Variants in PCDHA8 observed in about 807,000 individuals in gnomAD.
The protein encoded by PCDHA8 is protocadherin alpha 8.
In PCDHA8, 53 loss-of-function variants were observed where a neutral mutation model predicts 61.8. The ratio of observed to expected loss-of-function variants is 0.86; its 90% CI spans 0.69 to 1.08. The LOEUF (loss-of-function observed/expected upper bound fraction) is 1.08, where lower values mean the gene tolerates loss of function less well. PCDHA8 is among the 50% of genes least tolerant of loss of function. PCDHA8 has a pLI of 0.00. For synonymous variants in PCDHA8, 618 were observed against 556.6 expected (o/e 1.11, Z -1.55); for missense variants, 1,293 against 1,245.0 (o/e 1.04, Z -0.58).
chr5:140,882,501 A>G lies in PCDHA8; in HGVS notation c.2394+38786A>G, dbSNP rs782169319. On this transcript the variant is annotated intron_variant, in intron 1 of 3. Transcript: ENST00000531613. Reference sequence around the variant, plus strand: ...AGACACGGGGACCTTCTGGAGGTAAATCTGCAGAATGGCATTTTGTTTGTG... The same window carrying G: ...AGACACGGGGACCTTCTGGAGGTAAGTCTGCAGAATGGCATTTTGTTTGTG... 1 of 1,614,098 alleles carries G rather than the reference A, an allele frequency of 6.2e-7. No individual in the cohort carries two copies. Among genetic ancestry groups the G allele is most frequent in the Non-Finnish European group, 8.5e-7 (1 of 1,180,032 alleles).
chr5:140,886,827 G>GAAAAAAAAA, intron 1 of PCDHA8, among the ~76,000 whole-genome samples: 1 of 60,890 alleles, frequency 1.6e-5, no homozygotes, highest in Non-Finnish European at 3.3e-5. Flanking sequence ...ACTTCGTCTT[G>GAAAAAAAAA]AAAAAAAAAA....
At chr5:140,992,017 C>CTGTGTGTGTGTGTG (rs10602499) in intron 3 of PCDHA8, among the ~76,000 whole-genome samples, 1 of 145,628 alleles carries the variant, frequency 6.9e-6, no homozygotes, top group African/African-American at 2.5e-5. Flanking sequence ...AGAGGTGGCT[C>CTGTGTGTGTGTGTG]TGTGTGTGTG....
chr5:140,914,619 T>G (rs1554196515), intron 1 of PCDHA8, among the ~76,000 whole-genome samples: 1 of 152,194 alleles, frequency 6.6e-6, no homozygotes, highest in African/African-American at 2.4e-5. Context: ...TTTTGTAATT[T>G]GTTTTCTCGT....
chr5:140,856,572 A>C (rs782165615), intron 1 of PCDHA8: 1 of 1,597,762 alleles, frequency 6.3e-7, no homozygotes, highest in East Asian at 2.2e-5. Flanking sequence ...AGTCCAAATG[A>C]GTATTTTGTT....
intron 1 of PCDHA8, chr5:140,870,911 A>C (rs782609021): frequency 6.2e-7 from 1 of 1,613,910 alleles, no homozygotes; most frequent in Non-Finnish European, 8.5e-7. Context: ...TCAGGCTACA[A>C]CGCGTGGCTT....
chr5:140,869,614 A>T lies in PCDHA8; in HGVS notation c.2394+25899A>T, dbSNP rs1554163296. ...TGAAGAGAATGCTCTATTGACCTACAGGCTAAGTAAAAATGAGTATTTTTC... is the reference window on the plus strand; with the variant it reads ...TGAAGAGAATGCTCTATTGACCTACTGGCTAAGTAAAAATGAGTATTTTTC... On this transcript the variant is annotated intron_variant, in intron 1 of 3. Transcript: ENST00000531613. 2 of 1,613,940 alleles carry T rather than the reference A, an allele frequency of 1.2e-6. No homozygotes were observed. The highest frequency in any genetic ancestry group is 4.5e-5 in the East Asian group (2 of 44,886).
At chr5:140,934,129 T>G (rs150501213) in intron 1 of PCDHA8, among the ~76,000 whole-genome samples, 326 of 152,294 alleles carry the variant, frequency 2.1e-3, no homozygotes, top group African/African-American at 7.4e-3. Context: ...CTTTATTAAT[T>G]TATTTCCTTC....
chr5:140,934,684 A>C (rs1026507859), intron 1 of PCDHA8, among the ~76,000 whole-genome samples: 9 of 152,178 alleles, frequency 5.9e-5, no homozygotes, highest in Non-Finnish European at 1.3e-4. Flanking sequence ...TATTCAAAAC[A>C]ATGAATTGAT....
At chr5:140,895,103 T>C (rs1459301220) in intron 1 of PCDHA8, among the ~76,000 whole-genome samples, 3 of 152,204 alleles carry the variant, frequency 2.0e-5, no homozygotes, top group Non-Finnish European at 4.4e-5. Flanking sequence ...GGGTTTTTGC[T>C]ACAAGAAGAC....
chr5:140,966,188 T>G (rs1454663585), intron 1 of PCDHA8: 7 of 200,348 alleles, frequency 3.5e-5, no homozygotes, highest in Non-Finnish European at 6.9e-5. Context: ...ATAGCCAGAC[T>G]TCTAGGGGCT....
At chr5:140,849,264 A>T (rs2150433927) in intron 1 of PCDHA8, 1 of 1,131,868 alleles carries the variant, frequency 8.8e-7, no homozygotes, top group East Asian at 2.6e-5. Context: ...AAACGTTTCT[A>T]TCGGAACGCT....
chr5:140,875,290 A>T (rs1321351883), intron 1 of PCDHA8: 20 of 1,396,906 alleles, frequency 1.4e-5, no homozygotes, highest in East Asian at 7.6e-5. Context: ...AAACAGGAAA[A>T]TTTTTTTCTC....
chr5:140,850,309 C>A, intron 1 of PCDHA8: 1 of 1,597,088 alleles, frequency 6.3e-7, no homozygotes, highest in Non-Finnish European at 8.6e-7. Context: ...GGCTACAACG[C>A]GTGGCTTTCA....
intron 1 of PCDHA8, among the ~76,000 whole-genome samples, chr5:140,855,264 T>C (rs560224323): frequency 1.3e-5 from 2 of 149,870 alleles, no homozygotes; most frequent in South Asian, 4.2e-4. Context: ...TATATTATAA[T>C]TCACTCAACC....
chr5:140,884,802 A>G, intron 1 of PCDHA8: 1 of 1,232,140 alleles, frequency 8.1e-7, no homozygotes, highest in Non-Finnish European at 1.1e-6. Flanking sequence ...GAATTTAACA[A>G]CTCTGCTGTG....
intron 3 of PCDHA8, among the ~76,000 whole-genome samples, chr5:140,991,953 G>A (rs545142966): frequency 3.9e-5 from 6 of 152,110 alleles, no homozygotes; most frequent in Non-Finnish European, 8.8e-5. Context: ...TTAGAATGCA[G>A]TCATTTTGGT....
chr5:140,923,489 A>C (rs549066009), intron 1 of PCDHA8, among the ~76,000 whole-genome samples: 2 of 152,182 alleles, frequency 1.3e-5, no homozygotes, highest in Non-Finnish European at 2.9e-5. Flanking sequence ...TCTTCACACC[A>C]CTGCACTCCA....
chr5:140,842,411 C>A lies in PCDHA8; in HGVS notation c.1090C>A (p.Gln364Lys), dbSNP rs2150335386. Residue 364 changes from glutamine (Q) to lysine (K), a missense_variant, in exon 1 of 4, where the codon CAA (glutamine) becomes AAA (lysine). By Grantham distance (53) the Gln-to-Lys change is moderately conservative. Coordinates refer to ENST00000531613, the MANE Select transcript of PCDHA8 (RefSeq NM_018911.3). ...SLSLPVREDA[Q>K]FGTVIALISV... Reference sequence around the variant, plus strand: ...ATCCTTGCCTGTACGTGAAGACGCTCAATTTGGTACTGTCATCGCCCTAAT... The same window carrying A: ...ATCCTTGCCTGTACGTGAAGACGCTAAATTTGGTACTGTCATCGCCCTAAT... 3 of 1,612,732 alleles carry A rather than the reference C, an allele frequency of 1.9e-6. No individual in the cohort carries two copies. Among genetic ancestry groups the A allele is most frequent in the Non-Finnish European group, 2.5e-6 (3 of 1,178,874 alleles).
chr5:140,976,142 C>T (rs1554237347), intron 1 of PCDHA8, among the ~76,000 whole-genome samples: 2 of 152,138 alleles, frequency 1.3e-5, no homozygotes, highest in Admixed American at 1.3e-4. Context: ...GGATGAAACT[C>T]ATGTACATTT....
Sources: allele counts gnomAD v4.1 joint callset (sites outside exome capture counted in the v4.1 genomes callset), GRCh38; gene constraint gnomAD v4.1.1; transcripts MANE v1.5; gene names NCBI Gene and HGNC (gene_info 2026-07-23, HGNC 2026-07-21).